Variants in FBXO34 observed in about 807,000 individuals in gnomAD.
The protein encoded by FBXO34 is F-box protein 34, also known as F-box only protein 34.
In FBXO34, 12 loss-of-function variants were observed where a neutral mutation model predicts 24.5. The observed-to-expected ratio is 0.49, with a 90% confidence interval of 0.31 to 0.79. The LOEUF is 0.79. Ranked by LOEUF, FBXO34 falls within the 30% of genes least tolerant of loss-of-function variation. The probability of loss-of-function intolerance (pLI) is 0.04; values close to 1 mark genes in which losing one functional copy is unlikely to be tolerated. For synonymous variants in FBXO34, 320 were observed against 311.9 expected (o/e 1.03, Z -0.27); for missense variants, 823 against 857.7 (o/e 0.96, Z 0.51).
intron 1 of FBXO34, among the ~76,000 whole-genome samples, chr14:55,300,864 G>A (rs1030485793): frequency 1.3e-5 from 2 of 152,206 alleles, no homozygotes; most frequent in Non-Finnish European, 2.9e-5. Flanking sequence ...AATGAATGAT[G>A]TGTTTTTATT....
intron 1 of FBXO34, among the ~76,000 whole-genome samples, chr14:55,279,596 T>C (rs1881465092): frequency 6.6e-6 from 1 of 152,218 alleles, no homozygotes. Context: ...TGTGTGAACC[T>C]CAGCTTAAGA....
At chr14:55,411,931 C>G in the FBXO34 span, 2 of 1,003,858 alleles carry the variant, frequency 2.0e-6, no homozygotes, top group Non-Finnish European at 2.9e-6. Context: ...GGCGAGCCCC[C>G]GGACCCCTCC....
downstream of FBXO34, chr14:55,355,131 G>C (rs1288481427): frequency 1.3e-5 from 2 of 152,328 alleles, no homozygotes; most frequent in African/African-American, 4.8e-5. Context: ...GGGAGCTGCT[G>C]CTCCTATTCC....
intron 1 of FBXO34, among the ~76,000 whole-genome samples, chr14:55,311,066 C>CA (rs1173845649): frequency 1.3e-5 from 2 of 152,200 alleles, no homozygotes; most frequent in East Asian, 1.9e-4. Flanking sequence ...CACACTGCTG[C>CA]AAAAAAACTG....
At chr14:55,311,286 G>T (rs1472766717) in intron 1 of FBXO34, among the ~76,000 whole-genome samples, 1 of 152,176 alleles carries the variant, frequency 6.6e-6, no homozygotes, top group South Asian at 2.1e-4. Flanking sequence ...CAGCATGGGA[G>T]AAACTGCCCC....
the FBXO34 span, among the ~76,000 whole-genome samples, chr14:55,438,610 C>A: frequency 6.6e-6 from 1 of 152,146 alleles, no homozygotes; most frequent in Admixed American, 6.5e-5. Context: ...CAAAGCTACA[C>A]GTACACAAGA....
intron 1 of FBXO34, among the ~76,000 whole-genome samples, chr14:55,300,248 T>C (rs900832401): frequency 6.6e-6 from 1 of 152,212 alleles, no homozygotes; most frequent in Non-Finnish European, 1.5e-5. Context: ...TTTTAGGCTT[T>C]AGTCTATAGT....
At chr14:55,349,604 TTTC>T (rs1884270813) in intron 1 of FBXO34, among the ~76,000 whole-genome samples, 1 of 122,684 alleles carries the variant, frequency 8.2e-6, no homozygotes, top group African/African-American at 4.5e-5. Flanking sequence ...AAGCAATAAT[TTTC>T]TTTTTTTTTT....
the FBXO34 span, among the ~76,000 whole-genome samples, chr14:55,385,336 A>G: frequency 1.3e-5 from 2 of 152,110 alleles, no homozygotes; most frequent in African/African-American, 4.8e-5. Flanking sequence ...TCTGTCACCC[A>G]GGCTGGAGTG....
chr14:55,310,971 T>C (rs780248447), intron 1 of FBXO34, among the ~76,000 whole-genome samples: 5 of 151,888 alleles, frequency 3.3e-5, no homozygotes, highest in Non-Finnish European at 7.4e-5. Context: ...CAACCTGACA[T>C]ATATAAAGAC....
At chr14:55,400,359 T>C in the FBXO34 span, among the ~76,000 whole-genome samples, 1 of 152,216 alleles carries the variant, frequency 6.6e-6, no homozygotes, top group South Asian at 2.1e-4. Context: ...ATTTCACATA[T>C]TGTTTTCCAA....
chr14:55,339,264 C>G (rs1883902583), intron 1 of FBXO34, among the ~76,000 whole-genome samples: 1 of 151,994 alleles, frequency 6.6e-6, no homozygotes, highest in African/African-American at 2.4e-5. Flanking sequence ...AAATGTCTCC[C>G]TGTGATAAAA....
the FBXO34 span, among the ~76,000 whole-genome samples, chr14:55,428,513 T>C: frequency 6.6e-6 from 1 of 152,126 alleles, no homozygotes; most frequent in Non-Finnish European, 1.5e-5. Flanking sequence ...TTGAGCTTTT[T>C]AGAAACACAA....
the FBXO34 span, among the ~76,000 whole-genome samples, chr14:55,376,971 C>A: frequency 5.3e-5 from 8 of 152,248 alleles, no homozygotes; most frequent in African/African-American, 1.9e-4. Context: ...TTTTTAAGCT[C>A]ATTGATTTCA....
chr14:55,414,652 G>C, the FBXO34 span, among the ~76,000 whole-genome samples: 1 of 152,160 alleles, frequency 6.6e-6, no homozygotes, highest in South Asian at 2.1e-4. Flanking sequence ...CCTTAGAGCA[G>C]AGTTTTCTAG....
At chr14:55,435,009 A>G in the FBXO34 span, among the ~76,000 whole-genome samples, 2 of 152,218 alleles carry the variant, frequency 1.3e-5, no homozygotes. Context: ...TAAACAAGCC[A>G]TTGAAAACAG....
At position 55,282,065 on chromosome 14, in the gene FBXO34, C is replaced by T. The variant is rs368399066; in HGVS notation, c.-11+10528C>T. Among the ~76,000 whole-genome samples, 49 of 131,596 alleles carry T rather than the reference C, an allele frequency of 3.7e-4. 1 individual carries two copies. Among genetic ancestry groups the T allele is most frequent in the African/African-American group, 1.3e-3 (43 of 32,188 alleles). The allele number at this position is 131,596 out of a possible 152,430, so 86.3% of individuals were successfully genotyped here. ...AGGCTGGAGTGCAGTGGCACGATCT[C>T]GGCTCTCTGCAATCTCCGCCTCCCG... is the stretch of plus-strand genomic sequence containing the variant. On this transcript the variant is annotated intron_variant, in intron 1 of 1. Transcript: ENST00000313833.
At chr14:55,354,763 T>G (rs1197785423), downstream of FBXO34, among the ~76,000 whole-genome samples, 1 of 152,172 alleles carries the variant, frequency 6.6e-6, no homozygotes, top group Non-Finnish European at 1.5e-5. Flanking sequence ...TAGGCAAGTG[T>G]AGCTTTCCTC....
At chr14:55,414,232 G>A in the FBXO34 span, 69 of 615,794 alleles carry the variant, frequency 1.1e-4, no homozygotes, top group Non-Finnish European at 1.9e-4. Context: ...ATTTTTCTTC[G>A]TTTCTTAGGT....
Sources: gnomAD v4.1 joint callset for allele counts (sites outside exome capture counted in the v4.1 genomes callset) on GRCh38, gnomAD v4.1.1 for gene constraint, MANE v1.5 for transcripts, NCBI Gene and HGNC (gene_info 2026-07-23, HGNC 2026-07-21) for gene names.